JAKMIP3: variants seen among roughly 807,000 people sequenced by gnomAD.
JAKMIP3 encodes Janus kinase and microtubule interacting protein 3, also known as janus kinase and microtubule-interacting protein 3.
Under a neutral mutation model 118.5 loss-of-function variants are expected in JAKMIP3, and 58 were observed. That is an observed-to-expected ratio of 0.49 (90% CI 0.40 to 0.61). The LOEUF is 0.61. Ranked by LOEUF, JAKMIP3 falls within the 20% of genes least tolerant of loss-of-function variation. The probability of loss-of-function intolerance (pLI) is 0.00; values close to 1 mark genes in which losing one functional copy is unlikely to be tolerated. For missense variants in JAKMIP3, 950 were observed against 1,109.0 expected (o/e 0.86, Z 2.04); for synonymous variants, 486 against 451.2 (o/e 1.08, Z -0.98).
intron 19 of JAKMIP3, among the ~76,000 whole-genome samples, chr10:132,158,669 G>T (rs111955501): frequency 1.6e-4 from 23 of 143,264 alleles, no homozygotes; most frequent in Middle Eastern, 3.7e-3. Flanking sequence ...GCATCTTCCT[G>T]TGTGATGCTG....
chr10:132,065,508 G>C (rs1033753285), upstream of JAKMIP3, among the ~76,000 whole-genome samples: 2 of 152,088 alleles, frequency 1.3e-5, no homozygotes, highest in South Asian at 4.2e-4. The surrounding 1 kb of genome is among the most constrained non-coding windows in gnomAD (Gnocchi z 5.6). Context: ...AAGCCGGCCA[G>C]AACGCGGTCC....
intron 1 of JAKMIP3, among the ~76,000 whole-genome samples, chr10:132,038,176 T>C (rs1322541622): frequency 1.3e-5 from 2 of 152,222 alleles, no homozygotes; most frequent in African/African-American, 4.8e-5. Context: ...CTGGCTTTTA[T>C]TGTCAATTTC....
chr10:132,109,047 CACACAT>C (rs1436825852), intron 2 of JAKMIP3, among the ~76,000 whole-genome samples: 1 of 139,044 alleles, frequency 7.2e-6, no homozygotes, highest in South Asian at 2.3e-4. Flanking sequence ...TATATATACA[CACACAT>C]ACATGCACAT....
Position 132,163,245 on chromosome 10 carries a change from C to T in JAKMIP3, c.2257C>T (p.Leu753=), listed in dbSNP as rs1235224616. Reference sequence around the variant, plus strand: ...GCTGGAAGCCATGCTGTATGATGCCCTGCAGCAGGAGGCCGGGGCTAAGGT... The same window carrying T: ...GCTGGAAGCCATGCTGTATGATGCCTTGCAGCAGGAGGCCGGGGCTAAGGT... ...LELEAMLYDA[L]QQEAGAKVAE... The change falls in exon 20 of 24, where the codon CTG becomes TTG. Residue 753 remains leucine, a synonymous_variant. Coordinates refer to ENST00000684848, the MANE Select transcript of JAKMIP3 (RefSeq NM_001323087.2). 4 of 1,576,296 alleles carry T rather than the reference C, an allele frequency of 2.5e-6. No homozygotes were observed. Among genetic ancestry groups the T allele is most frequent in the South Asian group, 1.2e-5 (1 of 85,958 alleles).
chr10:132,162,865 A>T (rs1244423216), intron 19 of JAKMIP3, among the ~76,000 whole-genome samples: 1 of 151,754 alleles, frequency 6.6e-6, no homozygotes, highest in Non-Finnish European at 1.5e-5. Flanking sequence ...GTGACCCCAC[A>T]CTCAGCTCCC....
intron 1 of JAKMIP3, among the ~76,000 whole-genome samples, chr10:132,087,483 A>G (rs1033225700): frequency 6.6e-6 from 1 of 152,060 alleles, no homozygotes; most frequent in African/African-American, 2.4e-5. Flanking sequence ...CTCTTCTTCA[A>G]AAATGCCAAT....
chr10:132,060,413 G>A (rs137933745), upstream of JAKMIP3, among the ~76,000 whole-genome samples: 663 of 152,268 alleles, frequency 4.4e-3, 3 homozygotes, highest in African/African-American at 0.015. Flanking sequence ...CAGAGAAAGC[G>A]CTTGATGACT....
intron 1 of JAKMIP3, among the ~76,000 whole-genome samples, chr10:132,104,197 G>C (rs921057828): frequency 6.6e-6 from 1 of 152,092 alleles, no homozygotes. Context: ...GTGCGCTTCT[G>C]TTCCAGTCCC....
Position 132,183,805 on chromosome 10 carries a change from A to G in JAKMIP3, c.*2552A>G, listed in dbSNP as rs546117931. Reference sequence around the variant, plus strand: ...CAGAACTGGGTTTTTGCCCCCAAAAAGGTAAATATGAGCATTTATCACTGA... The same window carrying G: ...CAGAACTGGGTTTTTGCCCCCAAAAGGGTAAATATGAGCATTTATCACTGA... On this transcript the variant is annotated 3_prime_UTR_variant, in exon 24 of 24. Transcript: ENST00000684848. The G allele has an allele frequency of 6.6e-6, 1 of 152,342 alleles. No homozygotes were observed. Among genetic ancestry groups the G allele is most frequent in the Middle Eastern group, 3.4e-3 (1 of 294 alleles). 9.4% of individuals were successfully genotyped at this position (152,342 alleles called of 1,614,324 possible).
chr10:132,164,876 A>AG (rs2058734341), intron 21 of JAKMIP3, 141 bp downstream of exon 21: 1 of 648,128 alleles, frequency 1.5e-6, no homozygotes, highest in Non-Finnish European at 2.7e-6. Context: ...GGCCGCCTGG[A>AG]GGCCTGAAGG....
At chr10:132,163,466 A>T (rs2058575356) in intron 20 of JAKMIP3, 54 bp downstream of exon 20, 7 of 1,499,786 alleles carry the variant, frequency 4.7e-6, no homozygotes, top group Non-Finnish European at 6.3e-6. Context: ...GGACCTGCAC[A>T]GAGCCAGGGG....
intron 14 of JAKMIP3, 137 bp downstream of exon 14, chr10:132,148,187 G>A: frequency 1.7e-6 from 1 of 577,424 alleles, no homozygotes; most frequent in South Asian, 2.1e-5. Context: ...AGGGAGGAAA[G>A]AGGCAAATGG....
chr10:132,139,456 G>C (rs1589920811), intron 9 of JAKMIP3, among the ~76,000 whole-genome samples: 1 of 147,850 alleles, frequency 6.8e-6, no homozygotes, highest in African/African-American at 2.5e-5. Context: ...GTGTATATGT[G>C]TCTGCATGTG....
chr10:132,118,732 A>G lies in JAKMIP3; in HGVS notation c.633+1158A>G, dbSNP rs999820344. Among the ~76,000 whole-genome samples the G allele has an allele frequency of 2.6e-5, 4 of 151,754 alleles. No homozygotes were observed. Among genetic ancestry groups the G allele is most frequent in the Non-Finnish European group, 5.9e-5 (4 of 67,964 alleles). ...CCTTTCCAAAGTGGTCCCTGTTCCAACCTCCCCTACACCTCTTCGCCCTGT... is the reference window on the plus strand; with the variant it reads ...CCTTTCCAAAGTGGTCCCTGTTCCAGCCTCCCCTACACCTCTTCGCCCTGT... On this transcript the variant is annotated intron_variant, in intron 3 of 23. Transcript: ENST00000684848. This position sits in a 1 kb window ranked among gnomAD's most constrained non-coding sequence, Gnocchi z 4.8.
chr10:132,149,008 C>T (rs2055264173), intron 14 of JAKMIP3, among the ~76,000 whole-genome samples: 1 of 152,192 alleles, frequency 6.6e-6, no homozygotes. Context: ...CCTGTGGGGA[C>T]AGTGGCAGCA....
At chr10:132,139,695 G>T (rs991376670) in intron 9 of JAKMIP3, among the ~76,000 whole-genome samples, 3 of 152,232 alleles carry the variant, frequency 2.0e-5, no homozygotes, top group Non-Finnish European at 4.4e-5. Context: ...CCCTGTGAAG[G>T]GAGGACACAG....
rs761117099 is a variant in JAKMIP3 at position 132,117,600 on chromosome 10, TGGGCGA to T, written c.633+30_633+35del. 4.8e-5 allele frequency: 39 copies of T among 809,732 alleles called. No individual in the cohort carries two copies. The East Asian group carries it at 2.8e-3, about 58-fold the overall frequency. The allele number at this position is 809,732 out of a possible 1,614,324, so 50.2% of individuals were successfully genotyped here. On this transcript the variant is annotated intron_variant, in intron 3 of 23. Coordinates refer to ENST00000684848, the MANE Select transcript of JAKMIP3 (RefSeq NM_001323087.2). The surrounding 1 kb of genome is among the most constrained non-coding windows in gnomAD (Gnocchi z 8.6). The stretch of plus-strand genomic sequence containing the variant: ...GTACGTGGGCAGGCAGGGGCGGGCG[TGGGCGA>T]GGGTGCAGGGGCGGGCGTGGGCGAG...
intron 13 of JAKMIP3, among the ~76,000 whole-genome samples, chr10:132,147,706 C>A (rs968258493): frequency 6.6e-6 from 1 of 152,266 alleles, no homozygotes; most frequent in Non-Finnish European, 1.5e-5. Context: ...CCGATATGAT[C>A]GCCAGGCTCC....
At chr10:132,169,873 G>T (rs2059314150) in intron 23 of JAKMIP3, 1 of 152,656 alleles carries the variant, frequency 6.6e-6, no homozygotes. Flanking sequence ...CCGCAGCGAG[G>T]AGGAGGTGCG....
Sources: allele counts gnomAD v4.1 joint callset (sites outside exome capture counted in the v4.1 genomes callset), GRCh38; gene constraint gnomAD v4.1.1; non-coding constraint Gnocchi (gnomAD v3.1); transcripts MANE v1.5; gene names NCBI Gene and HGNC (gene_info 2026-07-23, HGNC 2026-07-21).